The following MTG2 variants were observed in gnomAD, a reference collection of about 807,000 sequenced individuals.
MTG2 encodes mitochondrial ribosome associated GTPase 2.
MTG2 carries 23 observed loss-of-function variants against 28.6 expected under a neutral mutation model. The ratio of observed to expected loss-of-function variants is 0.80; its 90% CI spans 0.58 to 1.14. MTG2 has a LOEUF of 1.14. Ranked by LOEUF, MTG2 falls within the 50% of genes most tolerant of loss-of-function variation. MTG2 has a pLI of 0.00. For missense variants in MTG2, 539 were observed against 552.0 expected, an observed-to-expected ratio of 0.98 and a Z score of 0.24; for synonymous variants, 260 against 251.8, an observed-to-expected ratio of 1.03 and a Z score of -0.31.
At chr20:62,187,778 G>GT (rs1386322121) in intron 1 of MTG2, among the ~76,000 whole-genome samples, 2 of 152,110 alleles carry the variant, frequency 1.3e-5, no homozygotes, top group Non-Finnish European at 2.9e-5. Context: ...CAGTGAACCT[G>GT]TTTTTTTCTG....
chr20:62,185,705 C>G (rs559612288), intron 1 of MTG2, among the ~76,000 whole-genome samples: 7 of 152,266 alleles, frequency 4.6e-5, no homozygotes, highest in Non-Finnish European at 4.4e-5. Context: ...TGTACCCACT[C>G]GTGACATGTG....
rs775779447 is a variant in MTG2, at chr20:62,198,714, G to A, written c.549G>A (p.Ala183=). ...GCGTGGGAGATGAGTACATTGCCGC[G>A]CTGGGCGGGGCAGGAGGGAAAGGCA... ...LSCVGDEYIA[A]LGGAGGKGNR... The change falls in exon 5 of 7, where the codon GCG becomes GCA. Residue 183 remains alanine, a synonymous_variant. Transcript: ENST00000370823. The A allele has an allele frequency of 5.6e-6, 9 of 1,614,010 alleles. No individual in the cohort carries two copies. In the East Asian group the frequency reaches 8.9e-5, roughly 16 times the overall value.
intron 1 of MTG2, among the ~76,000 whole-genome samples, chr20:62,188,310 C>T (rs889739084): frequency 6.6e-6 from 1 of 151,766 alleles, no homozygotes; most frequent in Non-Finnish European, 1.5e-5. Context: ...AATTTAATTC[C>T]GAGAATAGAC....
chr20:62,183,245 C>T (rs1291669003), intron 1 of MTG2, among the ~76,000 whole-genome samples, 188 bp downstream of exon 1: 1 of 152,032 alleles, frequency 6.6e-6, no homozygotes, highest in Admixed American at 6.5e-5. Flanking sequence ...CGCTGCGGCC[C>T]TGGAGTAGCG....
intron 2 of MTG2, among the ~76,000 whole-genome samples, chr20:62,194,663 G>T (rs935585984): frequency 3.3e-5 from 5 of 151,934 alleles, no homozygotes; most frequent in African/African-American, 1.2e-4. Flanking sequence ...AAAAAAAACT[G>T]CATTTGAGGA....
Position 62,183,073 on chromosome 20 carries a change from G to C in MTG2, c.-6+16G>C, listed in dbSNP as rs992888250. ...TCCCGAGCCGGTGAGTGCGGGAGCG[G>C]GGAGCGGGGAGCGTGGGCCTGGGGG... On this transcript the variant is annotated intron_variant, in intron 1 of 6. Coordinates refer to ENST00000370823, the MANE Select transcript of MTG2 (RefSeq NM_015666.4). 1 of 152,158 alleles carries C rather than the reference G, an allele frequency of 6.6e-6. No homozygotes were observed. The highest frequency in any genetic ancestry group is 6.5e-5 in the Admixed American group (1 of 15,280). 9.4% of individuals were successfully genotyped at this position (152,158 alleles called of 1,614,324 possible). A position where few individuals can be genotyped will look rare whatever the true frequency, so the allele number is the denominator to read the frequency against.
rs1310926230 is a variant in MTG2 at position 62,203,398 on chromosome 20, C to T, written c.*2321C>T. The T allele has an allele frequency of 6.6e-5, 10 of 152,232 alleles. No individual in the cohort carries two copies. The highest frequency in any genetic ancestry group is 1.4e-4 in the African/African-American group (6 of 41,444). 9.4% of individuals were successfully genotyped at this position (152,232 alleles called of 1,614,324 possible). A position where few individuals can be genotyped will look rare whatever the true frequency, so the allele number is the denominator to read the frequency against. On this transcript the variant is annotated 3_prime_UTR_variant, in exon 7 of 7. Coordinates refer to ENST00000370823, the MANE Select transcript of MTG2 (RefSeq NM_015666.4). ...CTGCCACACACACAGCTTTTGCCAT[C>T]GCGTTCTAAAAGCTGACAGCTTTCT...
rs1204535640 is a variant in MTG2 at position 62,200,730 on chromosome 20, C to CCG, written c.874_875insCG (p.Leu292ProfsTer34). On this transcript the variant is annotated frameshift_variant, in exon 7 of 7. Coordinates refer to ENST00000370823, the MANE Select transcript of MTG2 (RefSeq NM_015666.4). LOFTEE classifies it low-confidence loss of function (END_TRUNC). ...ACGAGGCGCCCACCAGAACAGGGGT[C>CCG]TGGGGTCCGCCTTCCTCAGGCACAT... 6.2e-7 allele frequency: 1 copy of CCG among 1,613,206 alleles called. No homozygotes were observed. The highest frequency in any genetic ancestry group is 2.2e-5 in the East Asian group (1 of 44,898).
intron 1 of MTG2, among the ~76,000 whole-genome samples, chr20:62,192,363 A>C (rs113651094): frequency 0.026 from 3,944 of 152,260 alleles, 72 homozygotes; most frequent in Non-Finnish European, 0.04. Flanking sequence ...CTGGGTGAGG[A>C]GGGGCACGGG....
intron 3 of MTG2, among the ~76,000 whole-genome samples, chr20:62,196,603 G>A (rs1408877688): frequency 2.6e-5 from 4 of 152,036 alleles, no homozygotes; most frequent in Non-Finnish European, 4.4e-5. Context: ...CCAGGAGGTC[G>A]AGGTTGCAGT....
chr20:62,194,526 G>A lies in MTG2; in HGVS notation c.204+902G>A, dbSNP rs1025382905. 1.4e-4 allele frequency among the ~76,000 whole-genome samples: 22 copies of A among 152,212 alleles called. 1 individual carries two copies. Among genetic ancestry groups the A allele is most frequent in the Admixed American group, 1.0e-3 (16 of 15,282 alleles). ...CATTGAAATTTGGAAATAACAGTTCGTGGTTTTCCCACATGGTGGTGCCAA... is the reference window on the plus strand; with the variant it reads ...CATTGAAATTTGGAAATAACAGTTCATGGTTTTCCCACATGGTGGTGCCAA... On this transcript the variant is annotated intron_variant, in intron 2 of 6. Coordinates refer to ENST00000370823, the MANE Select transcript of MTG2 (RefSeq NM_015666.4).
intron 1 of MTG2, among the ~76,000 whole-genome samples, chr20:62,188,047 C>T (rs564685038): frequency 5.3e-5 from 8 of 150,136 alleles, no homozygotes; most frequent in South Asian, 2.1e-4. Flanking sequence ...AGGAGAATGG[C>T]GTGAACCCGG....
Position 62,184,381 on chromosome 20 carries a change from A to T in MTG2, c.-6+1324A>T, listed in dbSNP as rs1002908676. Among the ~76,000 whole-genome samples the T allele has an allele frequency of 2.0e-5, 3 of 150,862 alleles. No individual in the cohort carries two copies. The East Asian group carries it at 5.9e-4, about 30-fold the overall frequency. ...TCAAAAACATACCCAAAAAAAAAAA[A>T]TCAGGTTTCATGCTCACAGGAGGAT... On this transcript the variant is annotated intron_variant, in intron 1 of 6. Coordinates refer to ENST00000370823, the MANE Select transcript of MTG2 (RefSeq NM_015666.4).
At position 62,198,097 on chromosome 20, in the gene MTG2, G is replaced by A. The variant is rs1046573733; in HGVS notation, c.468+130G>A. 6.8e-5 allele frequency: 48 copies of A among 704,472 alleles called. No individual in the cohort carries two copies. In the African/African-American group the frequency reaches 7.0e-4, roughly 10 times the overall value. 43.6% of individuals were successfully genotyped at this position (704,472 alleles called of 1,614,324 possible). On this transcript the variant is annotated intron_variant, in intron 4 of 6. Transcript: ENST00000370823. ...AGCTAGGAAACAGCACAATGGAAAC[G>A]GAGGCTGGCAGACAGCGGGAAAGCA...
intron 1 of MTG2, among the ~76,000 whole-genome samples, chr20:62,191,485 T>C (rs2145840428): frequency 6.6e-6 from 1 of 152,280 alleles, no homozygotes; most frequent in Non-Finnish European, 1.5e-5. Context: ...TCTTCCAGCT[T>C]TTCTGTAACT....
intron 3 of MTG2, chr20:62,197,091 G>A (rs2058073007): frequency 7.0e-6 from 1 of 142,718 alleles, no homozygotes; most frequent in South Asian, 2.5e-4. Context: ...TAGTTAAGTA[G>A]CACACCCAAA....
At chr20:62,185,797 T>C (rs2057831282) in intron 1 of MTG2, among the ~76,000 whole-genome samples, 1 of 152,116 alleles carries the variant, frequency 6.6e-6, no homozygotes, top group Non-Finnish European at 1.5e-5. Flanking sequence ...ATTTGGCCAG[T>C]GGGGACTGTG....
In MTG2 at chr20:62,197,960, A is replaced by G; in HGVS notation, c.461A>G (p.Tyr154Cys). The G allele has an allele frequency of 1.9e-6, 3 of 1,613,782 alleles. No individual in the cohort carries two copies. Among genetic ancestry groups the G allele is most frequent in the Non-Finnish European group, 2.5e-6 (3 of 1,179,746 alleles). ...NCFGRSGAVL[Y>C]IRVPVGTLVK... Reference sequence around the variant, plus strand: ...TTCGGGCGCAGTGGCGCCGTCCTCTACATCCGGGTGAGCCGAGACTGCCGG... The same window carrying G: ...TTCGGGCGCAGTGGCGCCGTCCTCTGCATCCGGGTGAGCCGAGACTGCCGG... The change falls in exon 4 of 7, where the codon TAC becomes TGC. Residue 154 changes from tyrosine (Y) to cysteine (C), a missense_variant. By Grantham distance (194) the Tyr-to-Cys change is radical (BLOSUM62 -2). Transcript: ENST00000370823.
intron 1 of MTG2, among the ~76,000 whole-genome samples, chr20:62,184,507 T>C (rs2057800324): frequency 6.6e-6 from 1 of 152,244 alleles, no homozygotes; most frequent in Non-Finnish European, 1.5e-5. Flanking sequence ...TTTCTACTCC[T>C]GGACTCCAAA....
Sources: allele counts gnomAD v4.1 joint callset (sites outside exome capture counted in the v4.1 genomes callset), GRCh38; gene constraint gnomAD v4.1.1; transcripts MANE v1.5; gene names NCBI Gene and HGNC (gene_info 2026-07-23, HGNC 2026-07-21).